Variants in IL1RAP observed in about 807,000 individuals in gnomAD.
IL1RAP encodes interleukin 1 receptor accessory protein.
IL1RAP carries 35 observed loss-of-function variants against 60.7 expected under a neutral mutation model. The ratio of observed to expected loss-of-function variants is 0.58; its 90% confidence interval spans 0.44 to 0.76. The LOEUF is 0.76. Ranked by LOEUF, IL1RAP falls within the 30% of genes least tolerant of loss-of-function variation. IL1RAP has a pLI of 0.00. For missense variants in IL1RAP, 572 were observed against 693.9 expected, an observed-to-expected ratio of 0.82 and a Z score of 1.97; for synonymous variants, 268 against 250.9, an observed-to-expected ratio of 1.07 and a Z score of -0.64.
chr3:190,614,621 A>G (rs1731104378), intron 5 of IL1RAP, among the ~76,000 whole-genome samples: 1 of 152,196 alleles, frequency 6.6e-6, no homozygotes, highest in South Asian at 2.1e-4. Flanking sequence ...TGGTTGAGAA[A>G]TATTTCCAAG....
chr3:190,543,468 T>A (rs115221073), intron 1 of IL1RAP, among the ~76,000 whole-genome samples: 7,394 of 152,208 alleles, frequency 0.049, 209 homozygotes, highest in East Asian at 0.063. Flanking sequence ...TACACACTTA[T>A]TTAATAGTAC....
intron 3 of IL1RAP, among the ~76,000 whole-genome samples, chr3:190,571,032 C>T (rs1017624831): frequency 3.9e-5 from 6 of 152,210 alleles, no homozygotes; most frequent in East Asian, 3.9e-4. Context: ...TTGCCAATTA[C>T]GTTTCCTCAG....
intron 1 of IL1RAP, among the ~76,000 whole-genome samples, chr3:190,541,840 C>T (rs926629347): frequency 6.6e-6 from 1 of 152,060 alleles, no homozygotes; most frequent in Non-Finnish European, 1.5e-5. Flanking sequence ...ATTCGAAATG[C>T]CCATGAAATT....
chr3:190,619,019 TA>T (rs146952563), intron 5 of IL1RAP, among the ~76,000 whole-genome samples: 38 of 151,994 alleles, frequency 2.5e-4, no homozygotes, highest in African/African-American at 8.2e-4. Context: ...AATATGTGAA[TA>T]AAAAAAATTG....
chr3:190,552,391 A>G (rs1357270504), intron 1 of IL1RAP, among the ~76,000 whole-genome samples: 3 of 152,180 alleles, frequency 2.0e-5, no homozygotes, highest in African/African-American at 7.2e-5. Context: ...GAATTTTTGC[A>G]AGATTAATTT....
chr3:190,634,694 C>G (rs1160531541), intron 9 of IL1RAP, among the ~76,000 whole-genome samples: 2 of 150,130 alleles, frequency 1.3e-5, no homozygotes, highest in Admixed American at 6.6e-5. Context: ...ATATAACTAT[C>G]TGGGCCTGTT....
intron 10 of IL1RAP, 98 bp downstream of exon 10, chr3:190,644,495 C>A: frequency 1.1e-6 from 1 of 909,126 alleles, no homozygotes; most frequent in East Asian, 2.5e-5. Context: ...TTTGAAAAAC[C>A]TAGATTAACT....
intron 3 of IL1RAP, among the ~76,000 whole-genome samples, chr3:190,599,889 T>C (rs1014429334): frequency 5.3e-5 from 8 of 152,128 alleles, no homozygotes; most frequent in Non-Finnish European, 1.0e-4. Context: ...AGTGGGCTTT[T>C]GTTCTCTGAA....
In IL1RAP at chr3:190,564,327, A is replaced by G. The variant is rs1293525341; in HGVS notation, c.38A>G (p.Tyr13Cys). ...TGGTGTGTAGTGAGTCTCTACTTTT[A>G]TGGAATCCTGCAAAGTGATGCCTCA... ...LLWCVVSLYF[Y>C]GILQSDASER... Residue 13 changes from tyrosine to cysteine, a missense_variant, in exon 3 of 12, where the codon TAT becomes TGT. By Grantham distance (194) the Tyr-to-Cys change is radical. Coordinates refer to ENST00000447382, the MANE Select transcript of IL1RAP (RefSeq NM_002182.4). 1.2e-6 allele frequency: 2 copies of G among 1,612,282 alleles called. No homozygotes were observed. Among genetic ancestry groups the G allele is most frequent in the South Asian group, 2.2e-5 (2 of 91,048 alleles).
chr3:190,618,606 T>G (rs1189943246), intron 5 of IL1RAP, among the ~76,000 whole-genome samples: 1 of 152,212 alleles, frequency 6.6e-6, no homozygotes, highest in Non-Finnish European at 1.5e-5. Context: ...GGGAAATACC[T>G]TTGAACTGTT....
chr3:190,573,537 A>G (rs1039014220), intron 3 of IL1RAP, among the ~76,000 whole-genome samples: 12 of 152,182 alleles, frequency 7.9e-5, no homozygotes, highest in Non-Finnish European at 1.5e-4. Flanking sequence ...CAGTATTCTT[A>G]GTGAAATGCT....
At chr3:190,589,498 G>A (rs1330039272) in intron 3 of IL1RAP, among the ~76,000 whole-genome samples, 1 of 152,150 alleles carries the variant, frequency 6.6e-6, no homozygotes, top group African/African-American at 2.4e-5. Context: ...CGCAGGTGAT[G>A]CCTCTGTTAA....
At chr3:190,566,613 T>C (rs576359434) in intron 3 of IL1RAP, among the ~76,000 whole-genome samples, 1 of 152,304 alleles carries the variant, frequency 6.6e-6, no homozygotes, top group East Asian at 1.9e-4. Flanking sequence ...CCACATTGCG[T>C]CACCGTGGGA....
chr3:190,585,883 A>G (rs1429234194), intron 3 of IL1RAP, among the ~76,000 whole-genome samples: 1 of 152,148 alleles, frequency 6.6e-6, no homozygotes, highest in Admixed American at 6.5e-5. Context: ...CAGTTGCTAC[A>G]AGGATAAAGT....
At chr3:190,543,793 C>A (rs949709532) in intron 1 of IL1RAP, among the ~76,000 whole-genome samples, 1 of 152,076 alleles carries the variant, frequency 6.6e-6, no homozygotes, top group East Asian at 1.9e-4. Flanking sequence ...GAGCTTGCTG[C>A]CAGATCGTGG....
intron 4 of IL1RAP, among the ~76,000 whole-genome samples, chr3:190,607,661 G>T (rs1378621950): frequency 2.6e-5 from 4 of 152,116 alleles, no homozygotes; most frequent in African/African-American, 7.2e-5. Context: ...CCAGGCAGAC[G>T]GAACAACGTG....
chr3:190,526,941 A>G (rs1722562331), intron 1 of IL1RAP, among the ~76,000 whole-genome samples: 1 of 152,224 alleles, frequency 6.6e-6, no homozygotes, highest in Non-Finnish European at 1.5e-5. Context: ...AGGCCCTCTT[A>G]TAGGAAGGAA....
chr3:190,634,022 AT>A (rs1334557327), intron 9 of IL1RAP, among the ~76,000 whole-genome samples: 1 of 151,800 alleles, frequency 6.6e-6, no homozygotes, highest in Non-Finnish European at 1.5e-5. Context: ...TTCATGAGCA[AT>A]TTTTTCATTT....
At chr3:190,543,505 T>A (rs1465008711) in intron 1 of IL1RAP, among the ~76,000 whole-genome samples, 1 of 152,166 alleles carries the variant, frequency 6.6e-6, no homozygotes, top group African/African-American at 2.4e-5. Context: ...TTACTGAGAC[T>A]ATATGGGAAG....
Sources: allele counts gnomAD v4.1 joint callset (sites outside exome capture counted in the v4.1 genomes callset), GRCh38; gene constraint gnomAD v4.1.1; transcripts MANE v1.5; gene names NCBI Gene and HGNC (gene_info 2026-07-23, HGNC 2026-07-21).